The following OPCML variants were observed in gnomAD, a reference collection of about 807,000 sequenced individuals.
OPCML encodes the protein opioid-binding protein/cell adhesion molecule.
In OPCML, 13 loss-of-function variants were observed where a neutral mutation model predicts 37.8. The ratio of observed to expected loss-of-function variants is 0.34; its 90% CI spans 0.22 to 0.55. The LOEUF (loss-of-function observed/expected upper bound fraction) is 0.55. Ranked by LOEUF, OPCML falls within the 20% of genes least tolerant of loss-of-function variation. The probability of loss-of-function intolerance (pLI) is 0.91; values close to 1 mark genes in which losing one functional copy is unlikely to be tolerated. For missense variants in OPCML, 341 were observed against 435.6 expected, an observed-to-expected ratio of 0.78 and a Z score of 1.93; for synonymous variants, 176 against 168.8, an observed-to-expected ratio of 1.04 and a Z score of -0.33.
At chr11:132,881,081 G>A (rs1943207085) in intron 2 of OPCML, among the ~76,000 whole-genome samples, 2 of 152,234 alleles carry the variant, frequency 1.3e-5, no homozygotes, top group Non-Finnish European at 2.9e-5. Flanking sequence ...GTTGCCCACA[G>A]CACTCTGGGT....
chr11:133,529,405 C>T (rs985909026), intron 1 of OPCML, among the ~76,000 whole-genome samples: 9 of 152,200 alleles, frequency 5.9e-5, no homozygotes, highest in Admixed American at 2.6e-4. Context: ...ATTACCCCAA[C>T]CAGGGGTGTC....
In OPCML at chr11:133,140,841, C is replaced by CGACGACGAAGAA. The variant is rs1949782284; in HGVS notation, c.62-197832_62-197831insTTCTTCGTCGTC. ...AAGAAGAAGACGACGACGAAGAAGACGACGACGACGACGAAGAAGACGACG... is the reference window on the plus strand; with the variant it reads ...AAGAAGAAGACGACGACGAAGAAGACGACGACGAAGAAGACGACGACGACGAAGAAGACGACG... On this transcript the variant is annotated intron_variant, in intron 1 of 7. Coordinates refer to ENST00000524381, the MANE Select transcript of OPCML (RefSeq NM_001012393.5). Among the ~76,000 whole-genome samples, 2 of 5,910 alleles carry CGACGACGAAGAA rather than the reference C, an allele frequency of 3.4e-4. 1 individual carries two copies. Among genetic ancestry groups the CGACGACGAAGAA allele is most frequent in the African/African-American group, 4.9e-4 (2 of 4,054 alleles). The allele number at this position is 5,910 out of a possible 152,430, so 3.9% of individuals were successfully genotyped here.
At chr11:133,012,742 G>T (rs907325930) in intron 1 of OPCML, among the ~76,000 whole-genome samples, 1 of 151,916 alleles carries the variant, frequency 6.6e-6, no homozygotes, top group African/African-American at 2.4e-5. Context: ...GGGCATGGTG[G>T]CACATGCCTG....
chr11:132,715,047 G>T (rs772520167), intron 2 of OPCML, among the ~76,000 whole-genome samples: 6 of 152,136 alleles, frequency 3.9e-5, no homozygotes, highest in Non-Finnish European at 8.8e-5. Context: ...CTGCTCATGG[G>T]CAAGGGAGGG....
chr11:132,833,236 T>C (rs1940808582), intron 2 of OPCML, among the ~76,000 whole-genome samples: 2 of 152,212 alleles, frequency 1.3e-5, no homozygotes, highest in African/African-American at 2.4e-5. Flanking sequence ...TTTCTTTATA[T>C]CCTATTCTAT....
At chr11:133,285,661 A>AT (rs1719607336) in intron 1 of OPCML, among the ~76,000 whole-genome samples, 1 of 152,230 alleles carries the variant, frequency 6.6e-6, no homozygotes. Flanking sequence ...GCTCATTAAC[A>AT]TAGCTTTGTT....
chr11:132,830,980 G>A (rs1940650029), intron 2 of OPCML, among the ~76,000 whole-genome samples: 1 of 152,126 alleles, frequency 6.6e-6, no homozygotes, highest in East Asian at 1.9e-4. Context: ...TCTATGTGAG[G>A]CAAGGTCTCT....
intron 3 of OPCML, among the ~76,000 whole-genome samples, chr11:132,538,181 GGATA>G (rs1222345463): frequency 6.6e-6 from 1 of 151,992 alleles, no homozygotes; most frequent in Non-Finnish European, 1.5e-5. Context: ...AGAGATGAAT[GGATA>G]AACAAAATGT....
chr11:132,462,418 C>T (rs1229420697), intron 4 of OPCML, among the ~76,000 whole-genome samples: 1 of 152,220 alleles, frequency 6.6e-6, no homozygotes, highest in Non-Finnish European at 1.5e-5. Flanking sequence ...ACTTCAGCCT[C>T]TCTGAGGATT....
chr11:133,195,849 T>C (rs1291155666), intron 1 of OPCML, among the ~76,000 whole-genome samples: 1 of 152,208 alleles, frequency 6.6e-6, no homozygotes, highest in Non-Finnish European at 1.5e-5. Flanking sequence ...TGAATATCTG[T>C]CACATGAATG....
chr11:133,205,597 G>A lies in OPCML; in HGVS notation c.62-262587C>T, dbSNP rs750198533. 1.3e-5 allele frequency among the ~76,000 whole-genome samples: 2 copies of A among 152,288 alleles called. No homozygotes were observed. Among genetic ancestry groups the A allele is most frequent in the Non-Finnish European group, 2.9e-5 (2 of 68,016 alleles). On this transcript the variant is annotated intron_variant, in intron 1 of 7. Coordinates refer to ENST00000524381, the MANE Select transcript of OPCML (RefSeq NM_001012393.5). The surrounding 1 kb of genome is among the most constrained non-coding windows in gnomAD (Gnocchi z 4.8). ...TCAGAATTGAATTGAATTGGAGAAC[G>A]CCCAGTCCTCACGATCATTGCTCAG...
chr11:132,535,847 G>T (rs2096339236), intron 3 of OPCML, among the ~76,000 whole-genome samples: 1 of 152,124 alleles, frequency 6.6e-6, no homozygotes, highest in Non-Finnish European at 1.5e-5. Flanking sequence ...GTGAAGGTAT[G>T]GGTAAAACTC....
chr11:132,900,479 C>T (rs572131291), intron 2 of OPCML, among the ~76,000 whole-genome samples: 42 of 152,292 alleles, frequency 2.8e-4, no homozygotes, highest in Admixed American at 1.8e-3. Flanking sequence ...CCCACTGATA[C>T]GCATTTCTTC....
At chr11:133,254,593 C>A (rs1041025169) in intron 1 of OPCML, among the ~76,000 whole-genome samples, 6 of 152,102 alleles carry the variant, frequency 3.9e-5, no homozygotes, top group Non-Finnish European at 7.4e-5. Flanking sequence ...GTCAAGAGAC[C>A]CTGAGCAGAC....
chr11:132,675,578 A>G (rs1474632427), intron 2 of OPCML, among the ~76,000 whole-genome samples: 1 of 152,158 alleles, frequency 6.6e-6, no homozygotes, highest in Non-Finnish European at 1.5e-5. Context: ...AGAATGAATA[A>G]AGAAATTTAG....
intron 1 of OPCML, among the ~76,000 whole-genome samples, chr11:133,458,174 A>ACACG (rs1946719749): frequency 7.0e-6 from 1 of 143,322 alleles, no homozygotes; most frequent in African/African-American, 2.8e-5. Flanking sequence ...ACATATACAT[A>ACACG]TATGTGTATA....
intron 1 of OPCML, among the ~76,000 whole-genome samples, chr11:133,431,995 C>T (rs1946129995): frequency 6.6e-6 from 1 of 152,008 alleles, no homozygotes; most frequent in Admixed American, 6.6e-5. Flanking sequence ...AATCAGTTCT[C>T]AGAGAACCAA....
At chr11:133,232,563 G>A (rs1165086548) in intron 1 of OPCML, among the ~76,000 whole-genome samples, 2 of 151,388 alleles carry the variant, frequency 1.3e-5, no homozygotes, top group East Asian at 1.9e-4. Context: ...TGAATCTCAT[G>A]TGAAATTAAA....
At chr11:133,097,493 A>G (rs1388497577) in intron 1 of OPCML, among the ~76,000 whole-genome samples, 1 of 152,214 alleles carries the variant, frequency 6.6e-6, no homozygotes, top group African/African-American at 2.4e-5. Context: ...ATCAAAAGTA[A>G]GCAGAAGAAA....
Sources: gnomAD v4.1 joint callset for allele counts (sites outside exome capture counted in the v4.1 genomes callset) on GRCh38, gnomAD v4.1.1 for gene constraint, Gnocchi (gnomAD v3.1) non-coding constraint, MANE v1.5 for transcripts, NCBI Gene and HGNC (gene_info 2026-07-23, HGNC 2026-07-21) for gene names.